The following CFHR5 variants were observed in gnomAD, a reference collection of about 807,000 sequenced individuals.
The protein encoded by CFHR5 is complement factor H-related protein 5.
Under a neutral mutation model 62.9 loss-of-function variants are expected in CFHR5, and 73 were observed. The ratio of observed to expected loss-of-function variants is 1.16; its 90% CI spans 0.96 to 1.41. The LOEUF is 1.41. Ranked by LOEUF, CFHR5 falls within the 40% of genes most tolerant of loss-of-function variation. The pLI, the probability that CFHR5 is intolerant of heterozygous loss-of-function variation, is 0.00. For synonymous variants in CFHR5, 249 were observed against 227.2 expected, an observed-to-expected ratio of 1.10 and a Z score of -0.86; for missense variants, 779 against 679.9, an observed-to-expected ratio of 1.15 and a Z score of -1.62.
chr1:196,982,564 T>C (rs1453876216), intron 1 of CFHR5, among the ~76,000 whole-genome samples: 1 of 152,012 alleles, frequency 6.6e-6, no homozygotes, highest in East Asian at 1.9e-4. Flanking sequence ...TCTCAGGTAC[T>C]CAGGAGGCTG....
chr1:197,002,167 A>C (rs1355345199), intron 7 of CFHR5, among the ~76,000 whole-genome samples: 1 of 152,114 alleles, frequency 6.6e-6, no homozygotes, highest in Non-Finnish European at 1.5e-5. Flanking sequence ...TAGTTAGAAA[A>C]AAATTAAAGA....
At chr1:196,982,551 T>C (rs1163360090) in intron 1 of CFHR5, among the ~76,000 whole-genome samples, 1 of 151,986 alleles carries the variant, frequency 6.6e-6, no homozygotes, top group African/African-American at 2.4e-5. Flanking sequence ...CAGGCACCTG[T>C]AATCTCAGGT....
At chr1:196,975,559 A>T (rs996552822), upstream of CFHR5, among the ~76,000 whole-genome samples, 2 of 152,206 alleles carry the variant, frequency 1.3e-5, no homozygotes, top group African/African-American at 4.8e-5. Flanking sequence ...AGCAAGAGAC[A>T]ATGCAGAAAA....
chr1:196,984,829 G>C (rs1233315828), intron 3 of CFHR5, among the ~76,000 whole-genome samples: 1 of 152,086 alleles, frequency 6.6e-6, no homozygotes, highest in Non-Finnish European at 1.5e-5. Flanking sequence ...ACTATGTCCA[G>C]TAACTTCTGG....
chr1:197,008,377 A>G, intron 9 of CFHR5, 110 bp from the exon 10 acceptor site: 1 of 528,274 alleles, frequency 1.9e-6, no homozygotes, highest in Non-Finnish European at 2.9e-6. Flanking sequence ...AAATATTAAT[A>G]TTTTTCATCA....
In CFHR5 at chr1:196,987,229, T is replaced by G. The variant is rs533037390; in HGVS notation, c.430+3092T>G. 3.8e-4 allele frequency among the ~76,000 whole-genome samples: 58 copies of G among 152,200 alleles called. 1 individual carries two copies. Among genetic ancestry groups the G allele is most frequent in the Non-Finnish European group, 6.9e-4 (47 of 68,032 alleles). On this transcript the variant is annotated intron_variant, in intron 3 of 9. Transcript: ENST00000256785. ...TTTGATGGGGTTTTTTCTTGTAGATTTGTTTAAGTTCTTTGTAGATTCTGG... is the reference window on the plus strand; with the variant it reads ...TTTGATGGGGTTTTTTCTTGTAGATGTGTTTAAGTTCTTTGTAGATTCTGG...
chr1:196,977,159 GT>G, upstream of CFHR5, among the ~76,000 whole-genome samples: 1 of 152,068 alleles, frequency 6.6e-6, no homozygotes, highest in African/African-American at 2.4e-5. Context: ...TATTAAAACT[GT>G]TAAGAAGGTA....
intron 5 of CFHR5, 25 bp downstream of exon 5, chr1:196,995,924 A>C (rs1446771003): frequency 1.2e-6 from 2 of 1,601,732 alleles, no homozygotes; most frequent in South Asian, 1.1e-5. Context: ...ACATTTAAAC[A>C]GGACAGTTAC....
intron 3 of CFHR5, among the ~76,000 whole-genome samples, chr1:196,987,174 G>A (rs1294530211): frequency 6.6e-6 from 1 of 152,152 alleles, no homozygotes; most frequent in Non-Finnish European, 1.5e-5. Flanking sequence ...CTTCTTTTAA[G>A]AAGTGTCTGT....
rs1351066547 is a variant in CFHR5 at position 196,982,873 on chromosome 1, T to A, written c.59-12T>A. On this transcript the variant is annotated splice_polypyrimidine_tract_variant and intron_variant, in intron 1 of 9. Coordinates refer to ENST00000256785, the MANE Select transcript of CFHR5 (RefSeq NM_030787.4). ...TTTATTTAATTCTTCAGTTTTGTGTTATTTTTCCCAGGAACACTTTGTGAT... is the reference window on the plus strand; with the variant it reads ...TTTATTTAATTCTTCAGTTTTGTGTAATTTTTCCCAGGAACACTTTGTGAT... The A allele has an allele frequency of 1.9e-6, 3 of 1,610,550 alleles. No individual in the cohort carries two copies. Among genetic ancestry groups the A allele is most frequent in the Non-Finnish European group, 2.5e-6 (3 of 1,176,876 alleles).
intron 5 of CFHR5, 37 bp downstream of exon 5, chr1:196,995,936 A>G (rs370956186): frequency 2.9e-5 from 47 of 1,597,406 alleles, no homozygotes; most frequent in Non-Finnish European, 3.6e-5. Context: ...GACAGTTACT[A>G]TTACTTTGCA....
At chr1:196,996,451 C>A (rs1022477974) in intron 6 of CFHR5, among the ~76,000 whole-genome samples, 3 of 152,048 alleles carry the variant, frequency 2.0e-5, no homozygotes, top group Non-Finnish European at 4.4e-5. Flanking sequence ...TGAATGGAAA[C>A]TTTTATTAAT....
intron 3 of CFHR5, among the ~76,000 whole-genome samples, chr1:196,989,584 G>A (rs182699209): frequency 4.6e-5 from 7 of 152,018 alleles, no homozygotes; most frequent in African/African-American, 1.7e-4. Context: ...TGTTCTCCTT[G>A]GTTTCAAAGA....
upstream of CFHR5, among the ~76,000 whole-genome samples, chr1:196,975,146 A>G (rs1015479550): frequency 6.6e-6 from 1 of 152,122 alleles, no homozygotes; most frequent in Non-Finnish European, 1.5e-5. Flanking sequence ...AAGTCATGAA[A>G]TTTTTCTGAG....
chr1:196,985,243 C>T (rs758487442), intron 3 of CFHR5, among the ~76,000 whole-genome samples: 8 of 152,054 alleles, frequency 5.3e-5, no homozygotes, highest in Non-Finnish European at 1.0e-4. Context: ...ACCTGTAGTC[C>T]CCGCCACTGG....
upstream of CFHR5, chr1:196,977,522 T>C: frequency 1.3e-6 from 1 of 751,010 alleles, no homozygotes; most frequent in South Asian, 1.4e-5. Context: ...TTTGATGTTT[T>C]CCACAAAGGG....
chr1:196,986,689 G>A (rs934538783), intron 3 of CFHR5, among the ~76,000 whole-genome samples: 69 of 152,052 alleles, frequency 4.5e-4, no homozygotes, highest in African/African-American at 1.6e-3. Context: ...CCCTGCAAAG[G>A]ACAAGAACTC....
intron 3 of CFHR5, among the ~76,000 whole-genome samples, chr1:196,993,142 A>G (rs559806932): frequency 6.6e-6 from 1 of 152,314 alleles, no homozygotes; most frequent in East Asian, 1.9e-4. Flanking sequence ...TATTAGTGAT[A>G]GAGTTGAGTA....
At chr1:196,993,513 T>C (rs1653903895) in intron 3 of CFHR5, among the ~76,000 whole-genome samples, 1 of 152,138 alleles carries the variant, frequency 6.6e-6, no homozygotes, top group South Asian at 2.1e-4. Flanking sequence ...GCCAGGCTAG[T>C]CTTGAACTCC....
Sources: gnomAD v4.1 joint callset for allele counts (sites outside exome capture counted in the v4.1 genomes callset) on GRCh38, gnomAD v4.1.1 for gene constraint, MANE v1.5 for transcripts, NCBI Gene and HGNC (gene_info 2026-07-23, HGNC 2026-07-21) for gene names.